SF3B3: variants seen among roughly 807,000 people sequenced by gnomAD.
SF3B3 encodes the protein splicing factor 3b subunit 3.
SF3B3 carries 33 observed loss-of-function variants against 139.2 expected under a neutral mutation model. The ratio of observed to expected loss-of-function variants is 0.24; its 90% CI spans 0.18 to 0.32. The LOEUF (loss-of-function observed/expected upper bound fraction) is 0.32, where lower values mean the gene tolerates loss of function less well. SF3B3 is among the 10% of genes least tolerant of loss of function. The pLI, the probability that SF3B3 is intolerant of heterozygous loss-of-function variation, is 1.00. For synonymous variants in SF3B3, 596 were observed against 563.6 expected, an observed-to-expected ratio of 1.06 and a Z score of -0.81; for missense variants, 818 against 1,509.4, an observed-to-expected ratio of 0.54 and a Z score of 7.59.
intron 2 of SF3B3, 23 bp from the exon 3 acceptor site, chr16:70,528,850 A>G (rs1223827611): frequency 6.4e-7 from 1 of 1,571,582 alleles, no homozygotes; most frequent in Admixed American, 1.7e-5. Context: ...GTTGTTTATG[A>G]TCTTTATTTT....
intron 11 of SF3B3, among the ~76,000 whole-genome samples, chr16:70,550,030 G>A (rs1425026366): frequency 4.6e-5 from 7 of 152,126 alleles, no homozygotes; most frequent in Non-Finnish European, 1.0e-4. Flanking sequence ...ACACAGTCTA[G>A]GTAATGGGGA....
intron 8 of SF3B3, among the ~76,000 whole-genome samples, chr16:70,540,918 A>G (rs1335475883): frequency 6.6e-6 from 1 of 152,192 alleles, no homozygotes; most frequent in Non-Finnish European, 1.5e-5. Context: ...TTGCTGTGCT[A>G]ATACCTATTT....
intron 22 of SF3B3, 123 bp from the exon 23 acceptor site, chr16:70,568,920 C>G: frequency 1.6e-6 from 1 of 639,988 alleles, no homozygotes; most frequent in Non-Finnish European, 2.7e-6. Context: ...CACGTGGGCT[C>G]AGGCCTCTGT....
intron 1 of SF3B3, chr16:70,524,182 C>G (rs1052525393): frequency 7.7e-6 from 2 of 261,184 alleles, no homozygotes; most frequent in Non-Finnish European, 1.4e-5. Flanking sequence ...TCTGGGGACT[C>G]TGAGACGGGG....
intron 11 of SF3B3, among the ~76,000 whole-genome samples, chr16:70,552,310 A>G (rs973669639): frequency 6.6e-6 from 1 of 152,222 alleles, no homozygotes; most frequent in Admixed American, 6.5e-5. Flanking sequence ...ATGGGAAATG[A>G]TACTGTATTC....
At chr16:70,571,047 C>A in intron 24 of SF3B3, 48 bp from the exon 25 acceptor site, 1 of 1,264,634 alleles carries the variant, frequency 7.9e-7, no homozygotes, top group Non-Finnish European at 1.2e-6. Flanking sequence ...AAACTCTAGA[C>A]TAGTTGAAAT....
intron 1 of SF3B3, chr16:70,524,180 C>T (rs935411833): frequency 3.4e-5 from 9 of 264,000 alleles, no homozygotes; most frequent in Non-Finnish European, 6.3e-5. Context: ...CTTCTGGGGA[C>T]TCTGAGACGG....
intron 6 of SF3B3, among the ~76,000 whole-genome samples, chr16:70,536,101 C>T (rs562518810): frequency 2.6e-5 from 4 of 152,026 alleles, no homozygotes; most frequent in Admixed American, 2.0e-4. Flanking sequence ...CTCTCATTAT[C>T]CCAAAAAGTT....
chr16:70,552,015 A>C (rs2050332080), intron 11 of SF3B3, among the ~76,000 whole-genome samples: 1 of 152,206 alleles, frequency 6.6e-6, no homozygotes, highest in Admixed American at 6.5e-5. Context: ...CCACTTGTTG[A>C]ATTGTCTAGC....
chr16:70,549,240 T>C (rs1023030882), intron 11 of SF3B3, among the ~76,000 whole-genome samples: 2 of 152,204 alleles, frequency 1.3e-5, no homozygotes, highest in African/African-American at 2.4e-5. Flanking sequence ...CTGCCTGATA[T>C]TTAGATATTC....
intron 15 of SF3B3, among the ~76,000 whole-genome samples, chr16:70,557,596 G>A (rs955055452): frequency 6.6e-6 from 1 of 152,176 alleles, no homozygotes; most frequent in African/African-American, 2.4e-5. Context: ...ATAGCCAGAA[G>A]TTAGAGAGAC....
intron 11 of SF3B3, among the ~76,000 whole-genome samples, chr16:70,552,735 T>C (rs2050339365): frequency 6.6e-6 from 1 of 152,162 alleles, no homozygotes; most frequent in African/African-American, 2.4e-5. Flanking sequence ...TAGGTACATA[T>C]ATATGCAATA....
intron 10 of SF3B3, among the ~76,000 whole-genome samples, chr16:70,546,517 T>G (rs964462492): frequency 1.3e-5 from 2 of 151,754 alleles, no homozygotes; most frequent in Non-Finnish European, 2.9e-5. Flanking sequence ...CCGAGAGTGG[T>G]GGTGGGTGTC....
chr16:70,548,308 T>A (rs970804475), intron 10 of SF3B3, 62 bp from the exon 11 acceptor site: 8 of 1,344,654 alleles, frequency 5.9e-6, no homozygotes, highest in Non-Finnish European at 8.6e-6. Context: ...TTTGATGTGA[T>A]TGTAAGCAGG....
intron 15 of SF3B3, among the ~76,000 whole-genome samples, chr16:70,557,888 G>A (rs951693308): frequency 2.0e-5 from 3 of 152,074 alleles, no homozygotes; most frequent in East Asian, 1.9e-4. Context: ...GTATTATCAT[G>A]CTCAGCAAAA....
chr16:70,548,596 T>C (rs1018108043), intron 11 of SF3B3, 154 bp downstream of exon 11: 7 of 621,072 alleles, frequency 1.1e-5, no homozygotes, highest in African/African-American at 1.8e-5. Context: ...GGCTCTTCCG[T>C]TCAGGATGCC....
At position 70,572,926 on chromosome 16, in the gene SF3B3, G is replaced by A. The variant is rs2050543594; in HGVS notation, c.*1113G>A. 1 of 152,202 alleles carries A rather than the reference G, an allele frequency of 6.6e-6. No homozygotes were observed. The highest frequency in any genetic ancestry group is 2.4e-5 in the African/African-American group (1 of 41,448). 9.4% of individuals were successfully genotyped at this position (152,202 alleles called of 1,614,324 possible). A position where few individuals can be genotyped will look rare whatever the true frequency, so the allele number is the denominator to read the frequency against. On this transcript the variant is annotated 3_prime_UTR_variant, in exon 26 of 26. Coordinates refer to ENST00000302516, the MANE Select transcript of SF3B3 (RefSeq NM_012426.5). ...CAGGCTGTCCTTGCGCCTTGAACCT[G>A]GAGAAGTGAGCTCACTGTTCTCAAT... is the stretch of plus-strand genomic sequence containing the variant.
chr16:70,535,518 T>TA (rs986875082), intron 6 of SF3B3, 98 bp downstream of exon 6: 1,142 of 586,376 alleles, frequency 1.9e-3, no homozygotes, highest in Middle Eastern at 3.1e-3. Flanking sequence ...TTTTGTAAAT[T>TA]AAAAAAAAAA....
chr16:70,571,826 C>G lies in SF3B3; in HGVS notation c.*13C>G, dbSNP rs773699781. On this transcript the variant is annotated 3_prime_UTR_variant, in exon 26 of 26. Transcript: ENST00000302516. ...CTACGCCTTCTGAGCCCTCCTTTCCCGGTGGGGCTTGCCAGAGACTGTGTG... is the reference window on the plus strand; with the variant it reads ...CTACGCCTTCTGAGCCCTCCTTTCCGGGTGGGGCTTGCCAGAGACTGTGTG... 1.9e-6 allele frequency: 3 copies of G among 1,606,384 alleles called. No homozygotes were observed. Among genetic ancestry groups the G allele is most frequent in the Non-Finnish European group, 1.7e-6 (2 of 1,177,422 alleles).
Sources: allele counts gnomAD v4.1 joint callset (sites outside exome capture counted in the v4.1 genomes callset), GRCh38; gene constraint gnomAD v4.1.1; transcripts MANE v1.5; gene names NCBI Gene and HGNC (gene_info 2026-07-23, HGNC 2026-07-21).